Variants in CDH13 observed in about 807,000 individuals in gnomAD.
The protein encoded by CDH13 is cadherin-13.
Under a neutral mutation model 63.8 loss-of-function variants are expected in CDH13, and 24 were observed. The ratio of observed to expected loss-of-function variants is 0.38; its 90% CI spans 0.27 to 0.53. The LOEUF is 0.53. Among genes scored for constraint, CDH13 ranks in the 20% least tolerant of loss-of-function variants. The probability of loss-of-function intolerance (pLI) is 0.85; values close to 1 mark genes in which losing one functional copy is unlikely to be tolerated. For synonymous variants in CDH13, 503 were observed against 355.3 expected, an observed-to-expected ratio of 1.42 and a Z score of -4.67; for missense variants, 1,049 against 903.1, an observed-to-expected ratio of 1.16 and a Z score of -2.07.
intron 1 of CDH13, among the ~76,000 whole-genome samples, chr16:82,817,464 TAC>T (rs1318038180): frequency 1.3e-5 from 2 of 152,132 alleles, no homozygotes; most frequent in Non-Finnish European, 2.9e-5. Context: ...AATACTCTCA[TAC>T]ACACAGAAAT....
At chr16:83,254,397 A>G (rs1567541762) in intron 5 of CDH13, among the ~76,000 whole-genome samples, 1 of 152,188 alleles carries the variant, frequency 6.6e-6, no homozygotes, top group African/African-American at 2.4e-5. Flanking sequence ...TGTTTGAGAA[A>G]GTTTCAGGTG....
chr16:82,652,562 T>C (rs1157430230), intron 1 of CDH13, among the ~76,000 whole-genome samples: 3 of 152,182 alleles, frequency 2.0e-5, no homozygotes, highest in African/African-American at 7.2e-5. Context: ...AGATTGACCT[T>C]TGATCCTACT....
At chr16:82,890,311 T>TAG (rs1247091453) in intron 2 of CDH13, among the ~76,000 whole-genome samples, 1 of 152,206 alleles carries the variant, frequency 6.6e-6, no homozygotes, top group African/African-American at 2.4e-5. Context: ...GAACAGTGTA[T>TAG]AGGCTGGAAA....
At chr16:83,179,996 G>A (rs2038283207) in intron 4 of CDH13, among the ~76,000 whole-genome samples, 2 of 151,530 alleles carry the variant, frequency 1.3e-5, no homozygotes, top group African/African-American at 4.9e-5. Context: ...TATATTTTCT[G>A]TAGGCCACTG....
chr16:82,641,821 G>A (rs1440259752), intron 1 of CDH13, among the ~76,000 whole-genome samples: 1 of 152,186 alleles, frequency 6.6e-6, no homozygotes, highest in Non-Finnish European at 1.5e-5. Flanking sequence ...GCTCTGGTGA[G>A]CTTATGTACT....
chr16:82,652,716 T>C (rs1013782576), intron 1 of CDH13, among the ~76,000 whole-genome samples: 5 of 152,100 alleles, frequency 3.3e-5, no homozygotes, highest in Non-Finnish European at 7.4e-5. Flanking sequence ...GTTTTTTTTT[T>C]TTTTTTTCTG....
intron 8 of CDH13, among the ~76,000 whole-genome samples, chr16:83,665,581 T>G (rs372851978): frequency 6.6e-6 from 1 of 152,202 alleles, no homozygotes; most frequent in Admixed American, 6.5e-5. Context: ...ACCCTATAAT[T>G]TTTTTAAGCT....
intron 8 of CDH13, among the ~76,000 whole-genome samples, chr16:83,644,764 G>C (rs1336159398): frequency 6.6e-6 from 1 of 152,184 alleles, no homozygotes; most frequent in Non-Finnish European, 1.5e-5. Context: ...GGTCCCCAGT[G>C]AAGTAGGATC....
At chr16:83,502,523 T>C (rs889721300) in intron 7 of CDH13, among the ~76,000 whole-genome samples, 44 of 152,190 alleles carry the variant, frequency 2.9e-4, no homozygotes, top group Non-Finnish European at 5.9e-5. Context: ...GTTAAGTCAC[T>C]AAGGACATGG....
At chr16:83,714,133 A>G (rs1908522886) in intron 10 of CDH13, among the ~76,000 whole-genome samples, 1 of 152,156 alleles carries the variant, frequency 6.6e-6, no homozygotes, top group Non-Finnish European at 1.5e-5. Context: ...TACAGGAAGA[A>G]GTGAAAATAG....
intron 4 of CDH13, among the ~76,000 whole-genome samples, chr16:83,175,800 A>G (rs1299409407): frequency 6.7e-6 from 1 of 149,890 alleles, no homozygotes; most frequent in African/African-American, 2.5e-5. Flanking sequence ...ATCATAATAT[A>G]CATACTGTTT....
At chr16:82,685,987 G>A (rs1333901225) in intron 1 of CDH13, among the ~76,000 whole-genome samples, 1 of 152,118 alleles carries the variant, frequency 6.6e-6, no homozygotes, top group East Asian at 1.9e-4. Context: ...TGATAATTAA[G>A]GTAGGAAAGA....
intron 8 of CDH13, among the ~76,000 whole-genome samples, chr16:83,644,728 T>C (rs1911629407): frequency 6.6e-6 from 1 of 152,224 alleles, no homozygotes; most frequent in Admixed American, 6.5e-5. Context: ...ATTCTAGGCC[T>C]GTGAATGGTT....
At chr16:83,782,109 G>GT (rs1915569113) in intron 12 of CDH13, among the ~76,000 whole-genome samples, 1 of 151,890 alleles carries the variant, frequency 6.6e-6, no homozygotes, top group Non-Finnish European at 1.5e-5. Flanking sequence ...TTACTCTCTT[G>GT]TTTTTTCTCC....
intron 1 of CDH13, among the ~76,000 whole-genome samples, chr16:82,655,503 C>T (rs1911194406): frequency 6.6e-6 from 1 of 151,942 alleles, no homozygotes; most frequent in Non-Finnish European, 1.5e-5. Flanking sequence ...AGTGTCGGGT[C>T]CAAGAGTAGG....
At chr16:83,554,933 T>C (rs973707549) in intron 7 of CDH13, among the ~76,000 whole-genome samples, 1 of 152,032 alleles carries the variant, frequency 6.6e-6, no homozygotes, top group South Asian at 2.1e-4. Context: ...TTTTTTTTTT[T>C]TTTTTTAGAG....
chr16:83,417,080 G>C (rs1254276237), intron 6 of CDH13, among the ~76,000 whole-genome samples: 2 of 152,158 alleles, frequency 1.3e-5, no homozygotes, highest in Non-Finnish European at 2.9e-5. Flanking sequence ...ATGATCCTAT[G>C]AGATAGCCAC....
intron 6 of CDH13, among the ~76,000 whole-genome samples, chr16:83,433,528 G>T (rs992462973): frequency 4.6e-5 from 7 of 152,144 alleles, no homozygotes; most frequent in Non-Finnish European, 1.0e-4. Flanking sequence ...TTTTACCAAA[G>T]GCAGCTGGCC....
In CDH13 at chr16:82,896,276, A is replaced by ATTTTTTTTTTTTTTTTTTTTTTTTTTTTT. The variant is rs59677448; in HGVS notation, c.157+37808_157+37836dup. 1.3e-4 allele frequency among the ~76,000 whole-genome samples: 11 copies of ATTTTTTTTTTTTTTTTTTTTTTTTTTTTT among 87,862 alleles called. 2 individuals carry two copies. The highest frequency in any genetic ancestry group is 1.4e-3 in the East Asian group (2 of 1,432). The allele number at this position is 87,862 out of a possible 152,430, so 57.6% of individuals were successfully genotyped here. On this transcript the variant is annotated intron_variant, in intron 2 of 13. Coordinates refer to ENST00000567109, the MANE Select transcript of CDH13 (RefSeq NM_001257.5). ...GAGTCTTCTGAGAACTAGGATTAGG[A>ATTTTTTTTTTTTTTTTTTTTTTTTTTTTT]TTTTTTTTTTTTTTTTTTTTTTTTT...
Sources: gnomAD v4.1 joint callset for allele counts (sites outside exome capture counted in the v4.1 genomes callset) on GRCh38, gnomAD v4.1.1 for gene constraint, MANE v1.5 for transcripts, NCBI Gene and HGNC (gene_info 2026-07-23, HGNC 2026-07-21) for gene names.